Variants in USH2A observed in about 807,000 individuals in gnomAD.
USH2A encodes usherin, also known as Usher syndrome 2A (autosomal recessive, mild).
USH2A carries 443 observed loss-of-function variants against 538.9 expected under a neutral mutation model. That is an observed-to-expected ratio of 0.82 (90% CI 0.76 to 0.89). The LOEUF (loss-of-function observed/expected upper bound fraction) is 0.89, where lower values mean the gene tolerates loss of function less well. Ranked by LOEUF, USH2A falls within the 40% of genes least tolerant of loss-of-function variation. The pLI, the probability that USH2A is intolerant of heterozygous loss-of-function variation, is 0.00. For missense variants in USH2A, 6,633 were observed against 6,324.8 expected, an observed-to-expected ratio of 1.05 and a Z score of -1.65; for synonymous variants, 2,413 against 2,273.5, an observed-to-expected ratio of 1.06 and a Z score of -1.75.
rs746355792 is a variant in USH2A, at chr1:215,993,014, A to G, written c.6805+6T>C. ...TTTTAACTTGAGGCTAAAAGAGTTC[A>G]CTTACCATTCGGATATTCAGGCTCA... is the stretch of plus-strand genomic sequence containing the variant. On this transcript the variant is annotated splice_donor_region_variant and intron_variant, in intron 35 of 71. Coordinates refer to ENST00000307340, the MANE Select transcript of USH2A (RefSeq NM_206933.4). 4.8e-5 allele frequency: 77 copies of G among 1,613,980 alleles called. No homozygotes were observed. Among genetic ancestry groups the G allele is most frequent in the Non-Finnish European group, 4.7e-5 (55 of 1,179,974 alleles).
rs1001794409 is a variant in USH2A, at chr1:216,176,630, A to G, written c.4397-1148T>C. Among the ~76,000 whole-genome samples the G allele has an allele frequency of 2.6e-5, 4 of 152,190 alleles. No individual in the cohort carries two copies. In the East Asian group the frequency reaches 7.7e-4, roughly 29 times the overall value. On this transcript the variant is annotated intron_variant, in intron 20 of 71. Coordinates refer to ENST00000307340, the MANE Select transcript of USH2A (RefSeq NM_206933.4). The stretch of plus-strand genomic sequence containing the variant: ...GTTTACCTTCTCTGGGTTTGGACAA[A>G]TGTATGATGGCATGCATCCATCATT...
At chr1:215,968,919 T>G (rs1667425909) in intron 36 of USH2A, among the ~76,000 whole-genome samples, 1 of 152,196 alleles carries the variant, frequency 6.6e-6, no homozygotes, top group African/African-American at 2.4e-5. Flanking sequence ...CTCTGCCTTT[T>G]AAGATTGATT....
At chr1:215,871,302 T>C (rs1449075792) in intron 43 of USH2A, among the ~76,000 whole-genome samples, 1 of 152,224 alleles carries the variant, frequency 6.6e-6, no homozygotes, top group African/African-American at 2.4e-5. Flanking sequence ...TCAGGTGTTA[T>C]TACTCCAATG....
intron 23 of USH2A, among the ~76,000 whole-genome samples, chr1:216,088,417 C>T (rs932877212): frequency 3.9e-5 from 6 of 152,054 alleles, no homozygotes; most frequent in Non-Finnish European, 8.8e-5. Flanking sequence ...TCCAGAGCAC[C>T]TAGAACAATA....
chr1:216,370,776 G>A (rs2669056), intron 3 of USH2A, among the ~76,000 whole-genome samples: 116,566 of 150,946 alleles, frequency 0.77, 45,415 homozygotes, highest in African/African-American at 0.87. Context: ...TTAATAAGTT[G>A]CAGTCAGTTA....
chr1:216,256,543 C>T (rs1313588468), intron 11 of USH2A, among the ~76,000 whole-genome samples: 4 of 151,888 alleles, frequency 2.6e-5, no homozygotes, highest in Non-Finnish European at 2.9e-5. Context: ...GTTATCACTG[C>T]ATGAGTCTAC....
chr1:215,648,592 G>A lies in USH2A; in HGVS notation c.14518C>T (p.Leu4840=), dbSNP rs1656939166. 2 of 1,614,222 alleles carry A rather than the reference G, an allele frequency of 1.2e-6. No individual in the cohort carries two copies. Among genetic ancestry groups the A allele is most frequent in the East Asian group, 4.5e-5 (2 of 44,878 alleles). Residue 4840 remains leucine, a synonymous_variant, in exon 66 of 72, where the codon CTG becomes TTG. Coordinates refer to ENST00000307340, the MANE Select transcript of USH2A (RefSeq NM_206933.4). ...SGLSSPQIGT[L]ASRTASFRWS... ...CGGAAGGAGGCCGTCCTTGAGGCCA[G>A]CGTCCCGATTTGTGGAGAGGACAGT...
chr1:215,814,343 C>T lies in USH2A; in HGVS notation c.9571-439G>A, dbSNP rs142977948. Among the ~76,000 whole-genome samples, 828 of 147,554 alleles carry T rather than the reference C, an allele frequency of 5.6e-3. 6 individuals are homozygous for T. The highest frequency in any genetic ancestry group is 0.019 in the African/African-American group (775 of 40,542). On this transcript the variant is annotated intron_variant, in intron 48 of 71. Transcript: ENST00000307340. ...AAAAATAGATATATTTAAATATATA[C>T]ATTTTTTATTATATAAAATTTTAAT...
At chr1:215,656,896 C>G (rs1175632157) in intron 64 of USH2A, among the ~76,000 whole-genome samples, 6 of 152,172 alleles carry the variant, frequency 3.9e-5, no homozygotes, top group Non-Finnish European at 8.8e-5. Context: ...AACAAAAAAT[C>G]TAGCATGAAC....
chr1:216,240,768 CAAAT>C (rs67296758), intron 13 of USH2A, among the ~76,000 whole-genome samples: 3,036 of 152,144 alleles, frequency 0.02, 98 homozygotes, highest in African/African-American at 0.067. Context: ...ACCAAATACA[CAAAT>C]AAACCAAGAA....
intron 21 of USH2A, among the ~76,000 whole-genome samples, chr1:216,161,621 C>A (rs910700403): frequency 9.2e-5 from 14 of 152,060 alleles, no homozygotes; most frequent in African/African-American, 3.4e-4. Flanking sequence ...GGTTTGCACT[C>A]TTTCCTGCAG....
At chr1:215,771,579 C>CAAAAAAAAAAAAAAAA (rs759067576) in intron 55 of USH2A, among the ~76,000 whole-genome samples, 13 of 44,000 alleles carry the variant, frequency 3.0e-4, no homozygotes, top group East Asian at 1.1e-3. Context: ...GACTCCGTCT[C>CAAAAAAAAAAAAAAAA]AAAAAAAAAA....
chr1:216,213,575 G>C (rs1033801443), intron 15 of USH2A, among the ~76,000 whole-genome samples: 47 of 151,794 alleles, frequency 3.1e-4, no homozygotes, highest in Admixed American at 3.0e-3. Flanking sequence ...CTCATACCAT[G>C]TACAAAACTA....
intron 13 of USH2A, among the ~76,000 whole-genome samples, chr1:216,240,343 G>A (rs1011880303): frequency 6.6e-6 from 1 of 152,112 alleles, no homozygotes; most frequent in Non-Finnish European, 1.5e-5. Flanking sequence ...GCTTGTGATT[G>A]TTGATTTTAT....
chr1:216,403,762 TATC>T (rs2039346309), intron 3 of USH2A, among the ~76,000 whole-genome samples: 1 of 152,172 alleles, frequency 6.6e-6, no homozygotes. Context: ...TCCACCCAAA[TATC>T]ATCTTGAACT....
chr1:216,058,888 A>T (rs1209340315), intron 30 of USH2A, among the ~76,000 whole-genome samples: 1 of 152,206 alleles, frequency 6.6e-6, no homozygotes, highest in African/African-American at 2.4e-5. Context: ...ACTTACCTTG[A>T]GCAAGGTAGT....
At chr1:216,327,791 G>T in intron 4 of USH2A, 137 bp from the exon 5 acceptor site, 2 of 1,003,922 alleles carry the variant, frequency 2.0e-6, no homozygotes, top group Non-Finnish European at 3.1e-6. Context: ...AACTTTTACA[G>T]ATCAATCTCT....
At chr1:216,278,505 A>T (rs1329206470) in intron 11 of USH2A, among the ~76,000 whole-genome samples, 1 of 152,174 alleles carries the variant, frequency 6.6e-6, no homozygotes, top group Admixed American at 6.6e-5. Context: ...TACCAGCTCT[A>T]TGAGAAATAT....
chr1:215,695,670 T>C (rs1658783529), intron 61 of USH2A, among the ~76,000 whole-genome samples: 1 of 152,198 alleles, frequency 6.6e-6, no homozygotes, highest in South Asian at 2.1e-4. Context: ...AGCTGACCTC[T>C]GAGCAATGCA....
Sources: allele counts gnomAD v4.1 joint callset (sites outside exome capture counted in the v4.1 genomes callset), GRCh38; gene constraint gnomAD v4.1.1; transcripts MANE v1.5; gene names NCBI Gene and HGNC (gene_info 2026-07-23, HGNC 2026-07-21).